Variants in TPCN2 observed in about 807,000 individuals in gnomAD.
The protein encoded by TPCN2 is two pore segment channel 2.
In TPCN2, 92 loss-of-function variants were observed where a neutral mutation model predicts 111.4. The observed-to-expected ratio is 0.83, with a 90% CI of 0.70 to 0.98. TPCN2 has a LOEUF of 0.98. Among genes scored for constraint, TPCN2 ranks in the 50% least tolerant of loss-of-function variants. The probability of loss-of-function intolerance (pLI) is 0.00; values close to 1 mark genes in which losing one functional copy is unlikely to be tolerated. For synonymous variants in TPCN2, 405 were observed against 414.5 expected (o/e 0.98, Z 0.28); for missense variants, 995 against 980.1 (o/e 1.02, Z -0.20).
intron 7 of TPCN2, among the ~76,000 whole-genome samples, chr11:69,066,225 A>T (rs1855266234): frequency 6.6e-6 from 1 of 151,954 alleles, no homozygotes; most frequent in Non-Finnish European, 1.5e-5. Flanking sequence ...GGAGGCCTGG[A>T]CCCAGTGCTG....
intron 3 of TPCN2, 87 bp downstream of exon 3, chr11:69,054,884 CAG>C (rs1195348262): frequency 3.6e-6 from 5 of 1,375,332 alleles, no homozygotes; most frequent in Non-Finnish European, 5.1e-6. Flanking sequence ...CACCTGGTCT[CAG>C]GGTCCAGGCA....
Position 69,054,033 on chromosome 11 carries a change from G to A in TPCN2, c.110G>A (p.Gly37Asp), listed in dbSNP as rs760197234. The A allele has an allele frequency of 1.9e-6, 3 of 1,613,610 alleles. No individual in the cohort carries two copies. Among genetic ancestry groups the A allele is most frequent in the South Asian group, 2.2e-5 (2 of 91,074 alleles). The change falls in exon 2 of 25, where the codon GGT becomes GAT. Residue 37 changes from glycine (G) to aspartate (D), a missense_variant and splice_region_variant. Coordinates refer to ENST00000294309, the MANE Select transcript of TPCN2 (RefSeq NM_139075.4). ...CCTGATGTGTCCCCTCTGCCTGCAG[G>A]TGCCGCGGCCAGGTGGGACCTCTGC... is the stretch of plus-strand genomic sequence containing the variant. Reference protein sequence around the residue: ...TTYRSIQVGPGAAARWDLCID... With the variant: ...TTYRSIQVGPDAAARWDLCID...
At chr11:69,064,050 C>A in intron 7 of TPCN2, 83 bp downstream of exon 7, 1 of 1,341,778 alleles carries the variant, frequency 7.5e-7, no homozygotes, top group Non-Finnish European at 1.1e-6. Context: ...TGTCTGCTGC[C>A]CTGGCCTAAC....
chr11:69,082,200 C>T (rs746128794), intron 18 of TPCN2, among the ~76,000 whole-genome samples: 2 of 152,206 alleles, frequency 1.3e-5, no homozygotes, highest in Admixed American at 6.5e-5. Flanking sequence ...GACCTTCATA[C>T]GCACACACAC....
chr11:69,087,117 C>T lies in TPCN2; in HGVS notation c.2091C>T (p.Phe697=). 6.2e-7 allele frequency: 1 copy of T among 1,613,788 alleles called. No individual in the cohort carries two copies. The highest frequency in any genetic ancestry group is 8.5e-7 in the Non-Finnish European group (1 of 1,179,784). ...NLFLALILEN[F]LHKWDPRSHL... is the part of the protein sequence containing the mutation. ...CCACTCCTCCTGCTTGCCAGAACTT[C>T]CTTCACAAGTGGGACCCCCGCAGCC... The change falls in exon 24 of 25, where the codon TTC becomes TTT. Residue 697 remains phenylalanine (F), a synonymous_variant. Transcript: ENST00000294309.
At chr11:69,080,270 A>G (rs1311692016) in intron 17 of TPCN2, among the ~76,000 whole-genome samples, 3 of 152,310 alleles carry the variant, frequency 2.0e-5, no homozygotes, top group East Asian at 3.9e-4. Context: ...TGCTGGCGGG[A>G]AGGTCCTTGG....
chr11:69,056,380 G>T (rs1475332586), intron 4 of TPCN2, among the ~76,000 whole-genome samples: 2 of 152,232 alleles, frequency 1.3e-5, no homozygotes, highest in African/African-American at 4.8e-5. Flanking sequence ...AGCTTATCAT[G>T]TGGTTAGCAG....
intron 1 of TPCN2, among the ~76,000 whole-genome samples, 182 bp downstream of exon 1, chr11:69,049,288 C>T (rs1168793443): frequency 6.6e-6 from 1 of 152,180 alleles, no homozygotes; most frequent in Non-Finnish European, 1.5e-5. Context: ...GGGCTGCGTC[C>T]TGCGGACCCG....
intron 7 of TPCN2, among the ~76,000 whole-genome samples, chr11:69,064,621 TG>T (rs1855182179): frequency 6.6e-6 from 1 of 152,164 alleles, no homozygotes; most frequent in African/African-American, 2.4e-5. Context: ...CCATCCTTCT[TG>T]GGGCTGGGGC....
In TPCN2 at chr11:69,088,057, G is replaced by A. The variant is rs1856352467; in HGVS notation, c.*104G>A. 9.9e-7 allele frequency: 1 copy of A among 1,007,290 alleles called. No homozygotes were observed. The highest frequency in any genetic ancestry group is 1.6e-5 in the South Asian group (1 of 64,016). The allele number at this position is 1,007,290 out of a possible 1,614,324, so 62.4% of individuals were successfully genotyped here. ...CATGCTGTGGCCAGCCAGGCAGGAA[G>A]AGACCTTTCCTCTGACGGACCACTA... On this transcript the variant is annotated 3_prime_UTR_variant, in exon 25 of 25. Transcript: ENST00000294309.
chr11:69,065,046 C>T (rs1032017743), intron 7 of TPCN2, among the ~76,000 whole-genome samples: 4 of 78,756 alleles, frequency 5.1e-5, no homozygotes, highest in Non-Finnish European at 1.1e-4. Flanking sequence ...CGTGTGGTGT[C>T]GTGTGTGTGG....
At position 69,055,231 on chromosome 11, in the gene TPCN2, C is replaced by T. The variant is rs1854701915; in HGVS notation, c.308C>T (p.Ser103Phe). 2 of 1,614,142 alleles carry T rather than the reference C, an allele frequency of 1.2e-6. No individual in the cohort carries two copies. Residue 103 changes from serine to phenylalanine, a missense_variant, in exon 4 of 25, where the codon TCC becomes TTC. Transcript: ENST00000294309. ...ILFLAFIETP[S>F]SLTSTADVRY... ...TTTTTGGCTTTTATCGAGACCCCATCCTCACTCACCAGCACGGCGGACGTG... is the reference window on the plus strand; with the variant it reads ...TTTTTGGCTTTTATCGAGACCCCATTCTCACTCACCAGCACGGCGGACGTG...
chr11:69,072,006 A>G lies in TPCN2; in HGVS notation c.1044A>G (p.Gly348=), dbSNP rs1416508805. ...TCCTATCCTCCATGGTGGGGGAGGG[A>G]GGAGCCTTCCCTCAGGCGTGAGTGC... ...FEVLSSMVGE[G]GAFPQAVGVK... is the part of the protein sequence containing the mutation. The change falls in exon 11 of 25, where the codon GGA becomes GGG. Residue 348 remains glycine, a synonymous_variant. Coordinates refer to ENST00000294309, the MANE Select transcript of TPCN2 (RefSeq NM_139075.4). 1 of 1,613,510 alleles carries G rather than the reference A, an allele frequency of 6.2e-7. No homozygotes were observed. Among genetic ancestry groups the G allele is most frequent in the South Asian group, 1.1e-5 (1 of 91,030 alleles).
chr11:69,073,622 C>T (rs1855631344), intron 13 of TPCN2, among the ~76,000 whole-genome samples: 1 of 152,190 alleles, frequency 6.6e-6, no homozygotes, highest in South Asian at 2.1e-4. Flanking sequence ...CAGACTGGGG[C>T]GGGGGCAGGG....
At chr11:69,087,053 G>A in intron 23 of TPCN2, 59 bp from the exon 24 acceptor site, 1 of 1,481,684 alleles carries the variant, frequency 6.7e-7, no homozygotes, top group Non-Finnish European at 9.4e-7. Context: ...GGCCGGGGAT[G>A]GGGCAAGGCT....
At chr11:69,083,861 G>A in intron 18 of TPCN2, 84 bp from the exon 19 acceptor site, 1 of 1,351,594 alleles carries the variant, frequency 7.4e-7, no homozygotes, top group Non-Finnish European at 1.1e-6. Flanking sequence ...TTGCCTTTCT[G>A]TCAGGGTCAG....
In TPCN2 at chr11:69,057,762, G is replaced by A. The variant is rs984901651; in HGVS notation, c.546+68G>A. 55 of 1,464,432 alleles carry A rather than the reference G, an allele frequency of 3.8e-5. 1 individual carries two copies. The Admixed American group carries it at 8.7e-4, about 23-fold the overall frequency. 90.7% of individuals were successfully genotyped at this position (1,464,432 alleles called of 1,614,324 possible). A position where few individuals can be genotyped will look rare whatever the true frequency, so the allele number is the denominator to read the frequency against. ...GCTGGTGTGGGTGCAAGGCCCACGGGGGTGCTGGGATGGAGCCCTGAGCCC... is the reference window on the plus strand; with the variant it reads ...GCTGGTGTGGGTGCAAGGCCCACGGAGGTGCTGGGATGGAGCCCTGAGCCC... On this transcript the variant is annotated intron_variant, in intron 5 of 24. Transcript: ENST00000294309.
At chr11:69,065,519 A>C (rs1276903267) in intron 7 of TPCN2, among the ~76,000 whole-genome samples, 1 of 152,116 alleles carries the variant, frequency 6.6e-6, no homozygotes, top group African/African-American at 2.4e-5. Context: ...AGGAGTCTGG[A>C]TCCCTGTCCG....
At position 69,083,768 on chromosome 11, in the gene TPCN2, T is replaced by A. The variant is rs144636100; in HGVS notation, c.1690-177T>A. ...GGGTGGACGTGGGGGCCTGACAGGC[T>A]GTGTGGGTGTGTAGAGGCGTGTGGG... is the stretch of plus-strand genomic sequence containing the variant. On this transcript the variant is annotated intron_variant, in intron 18 of 24. Transcript: ENST00000294309. Among the ~76,000 whole-genome samples, 8 of 152,058 alleles carry A rather than the reference T, an allele frequency of 5.3e-5. No individual in the cohort carries two copies. In the East Asian group the frequency reaches 1.6e-3, roughly 29 times the overall value.
Sources: allele counts gnomAD v4.1 joint callset (sites outside exome capture counted in the v4.1 genomes callset), GRCh38; gene constraint gnomAD v4.1.1; transcripts MANE v1.5; gene names NCBI Gene and HGNC (gene_info 2026-07-23, HGNC 2026-07-21).